Variants in SLC7A8 observed in about 807,000 individuals in gnomAD.
SLC7A8 encodes solute carrier family 7 member 8.
SLC7A8 carries 30 observed loss-of-function variants against 51.2 expected under a neutral mutation model. That is an observed-to-expected ratio of 0.59 (90% CI 0.44 to 0.80). The LOEUF (loss-of-function observed/expected upper bound fraction) is 0.80. Among genes scored for constraint, SLC7A8 ranks in the 30% least tolerant of loss-of-function variants. The pLI, the probability that SLC7A8 is intolerant of heterozygous loss-of-function variation, is 0.00. For missense variants in SLC7A8, 612 were observed against 674.4 expected (o/e 0.91, Z 1.03); for synonymous variants, 257 against 275.8 (o/e 0.93, Z 0.67).
At chr14:23,177,749 C>T (rs930395296) in intron 1 of SLC7A8, among the ~76,000 whole-genome samples, 8 of 152,222 alleles carry the variant, frequency 5.3e-5, no homozygotes, top group African/African-American at 1.9e-4. Flanking sequence ...AGATGCCCCT[C>T]AGGCTCACCC....
chr14:23,136,513 A>G (rs1203404717), intron 7 of SLC7A8, among the ~76,000 whole-genome samples: 1 of 152,224 alleles, frequency 6.6e-6, no homozygotes, highest in Non-Finnish European at 1.5e-5. Flanking sequence ...CTGACTCTTC[A>G]GGAAGGATCA....
At chr14:23,173,018 C>T (rs951798987) in intron 1 of SLC7A8, among the ~76,000 whole-genome samples, 5 of 152,138 alleles carry the variant, frequency 3.3e-5, no homozygotes, top group Non-Finnish European at 4.4e-5. Context: ...CAAAATTTAC[C>T]ATCTTAACCA....
intron 1 of SLC7A8, among the ~76,000 whole-genome samples, chr14:23,182,329 A>C (rs1877218062): frequency 6.6e-6 from 1 of 152,176 alleles, no homozygotes; most frequent in South Asian, 2.1e-4. Context: ...GTTTCATTTA[A>C]CATAAAACTG....
chr14:23,127,283 C>T lies in SLC7A8; in HGVS notation c.1502G>A (p.Gly501Asp). ...CTCATTAGCCTCCTCTGTCCCTGAG[C>T]CCCGCTCCACCTCGGGGTACACGAC... Reference protein sequence around the residue: ...CVVVYPEVERGSGTEEANEDM... With the variant: ...CVVVYPEVERDSGTEEANEDM... The change falls in exon 11 of 11, where the codon GGC (glycine) becomes GAC (aspartate). Residue 501 changes from glycine to aspartate, a missense_variant. Gly to Asp is a moderately conservative substitution (Grantham distance 94). Transcript: ENST00000316902. 1 of 1,614,076 alleles carries T rather than the reference C, an allele frequency of 6.2e-7. No homozygotes were observed. The highest frequency in any genetic ancestry group is 8.5e-7 in the Non-Finnish European group (1 of 1,179,978).
At position 23,128,349 on chromosome 14, in the gene SLC7A8, C is replaced by A. The variant is rs1157525518; in HGVS notation, c.1264-153G>T. 1 of 1,538,728 alleles carries A rather than the reference C, an allele frequency of 6.5e-7. No homozygotes were observed. The highest frequency in any genetic ancestry group is 8.7e-7 in the Non-Finnish European group (1 of 1,146,406). ...TCGGCTCTGTGGTCCCACACTCACC[C>A]CTGGTAGGGCAGGGGCTATATAAAC... On this transcript the variant is annotated intron_variant, in intron 9 of 10. Coordinates refer to ENST00000316902, the MANE Select transcript of SLC7A8 (RefSeq NM_012244.4). This position sits in a 1 kb window ranked among gnomAD's most constrained non-coding sequence, Gnocchi z 4.3.
At chr14:23,173,782 A>G (rs976804709) in intron 1 of SLC7A8, among the ~76,000 whole-genome samples, 1 of 151,654 alleles carries the variant, frequency 6.6e-6, no homozygotes, top group Non-Finnish European at 1.5e-5. Context: ...CTGGGACCAC[A>G]GGCGTGTGCC....
rs759355846 is a variant in SLC7A8 at position 23,166,485 on chromosome 14, A to T, written c.207T>A (p.Ala69=). ...FVSPKGVLEN[A]GSVGLALIVW... is the part of the protein sequence containing the mutation. The stretch of plus-strand genomic sequence containing the variant: ...CGATGAGAGCAAGGCCCACAGAACC[A>T]GCATTCTCCAGCACTCCCTTTGGCG... Residue 69 remains alanine (A), a synonymous_variant, in exon 2 of 11, where the codon GCT becomes GCA. Transcript: ENST00000316902. 20 of 1,614,092 alleles carry T rather than the reference A, an allele frequency of 1.2e-5. No individual in the cohort carries two copies. In the East Asian group the frequency reaches 4.0e-4, roughly 32 times the overall value.
At chr14:23,177,786 T>G (rs1566375675) in intron 1 of SLC7A8, among the ~76,000 whole-genome samples, 1 of 152,192 alleles carries the variant, frequency 6.6e-6, no homozygotes. Flanking sequence ...GCACCGGGAA[T>G]ATTACTTTCT....
rs79199165 is a variant in SLC7A8, at chr14:23,134,037, C to T, written c.1017-2480G>A. 1.5e-3 allele frequency among the ~76,000 whole-genome samples: 235 copies of T among 152,092 alleles called. 1 individual carries two copies. Among genetic ancestry groups the T allele is most frequent in the Middle Eastern group, 0.01 (3 of 294 alleles). ...CTCACTGTAGCCTTGACCTCCCAAA[C>T]TCAAATGATCCTCCTGTCTCAGTCT... On this transcript the variant is annotated intron_variant, in intron 7 of 10. Transcript: ENST00000316902.
chr14:23,179,017 T>C (rs992253834), intron 1 of SLC7A8, among the ~76,000 whole-genome samples: 14 of 152,090 alleles, frequency 9.2e-5, no homozygotes, highest in African/African-American at 1.7e-4. Context: ...GCTCAATTTT[T>C]CTCATAGTTC....
At chr14:23,152,556 G>A (rs1271751028) in intron 3 of SLC7A8, among the ~76,000 whole-genome samples, 3 of 151,960 alleles carry the variant, frequency 2.0e-5, no homozygotes, top group Admixed American at 6.6e-5. Flanking sequence ...GAGTAGCTGA[G>A]GTGTGTGCCA....
chr14:23,138,205 G>C, intron 6 of SLC7A8, 181 bp from the exon 7 acceptor site: 2 of 638,934 alleles, frequency 3.1e-6, no homozygotes, highest in Non-Finnish European at 5.3e-6. Context: ...GTTAATGCAT[G>C]TTTTAGGCTA....
chr14:23,163,119 C>G (rs947262143), intron 3 of SLC7A8, among the ~76,000 whole-genome samples: 6 of 152,148 alleles, frequency 3.9e-5, no homozygotes, highest in Admixed American at 3.9e-4. Context: ...CTGGATCCAG[C>G]TAGGATGCAA....
intron 1 of SLC7A8, among the ~76,000 whole-genome samples, chr14:23,176,711 G>A (rs1454953119): frequency 6.6e-6 from 1 of 152,116 alleles, no homozygotes; most frequent in African/African-American, 2.4e-5. Flanking sequence ...GGAGGCCAAG[G>A]CGGGCAGATC....
chr14:23,155,142 C>G (rs757761755), intron 3 of SLC7A8: 2 of 1,533,892 alleles, frequency 1.3e-6, no homozygotes, highest in African/African-American at 1.4e-5. Flanking sequence ...CCTTCTCCAG[C>G]CCTTTTCATC....
chr14:23,162,666 C>T (rs368674949), intron 3 of SLC7A8, among the ~76,000 whole-genome samples: 1 of 152,148 alleles, frequency 6.6e-6, no homozygotes, highest in African/African-American at 2.4e-5. Context: ...AGCAGGGCTA[C>T]AGGCAGGTGG....
rs776218985 is a variant in SLC7A8 at position 23,165,305 on chromosome 14, A to G, written c.488T>C (p.Leu163Pro). Residue 163 changes from leucine (L) to proline (P), a missense_variant, in exon 3 of 11, where the codon CTC becomes CCC. Coordinates refer to ENST00000316902, the MANE Select transcript of SLC7A8 (RefSeq NM_012244.4). The surrounding 1 kb of genome is among the most constrained non-coding windows in gnomAD (Gnocchi z 4.2). ...TCFPPESGLR[L>P]LAAICLLLLT... is the part of the protein sequence containing the mutation. The stretch of plus-strand genomic sequence containing the variant: ...CTTACATAAGCAGATGGCAGCCAGG[A>G]GCCGAAGGCCAGACTCTGGGGGGAA... The G allele has an allele frequency of 6.2e-7, 1 of 1,609,702 alleles. No individual in the cohort carries two copies. The highest frequency in any genetic ancestry group is 1.1e-5 in the South Asian group (1 of 90,772).
intron 8 of SLC7A8, 60 bp from the exon 9 acceptor site, chr14:23,129,859 G>A (rs2048616310): frequency 1.1e-5 from 17 of 1,580,652 alleles, no homozygotes; most frequent in Non-Finnish European, 1.5e-5. Context: ...TGGTATTACA[G>A]ATTAGGGGCT....
chr14:23,153,809 A>G (rs2048868006), intron 3 of SLC7A8, among the ~76,000 whole-genome samples: 1 of 152,220 alleles, frequency 6.6e-6, no homozygotes, highest in East Asian at 1.9e-4. Context: ...CTGGCTTGGA[A>G]AGGCTTGGTT....
Sources: gnomAD v4.1 joint callset for allele counts (sites outside exome capture counted in the v4.1 genomes callset) on GRCh38, gnomAD v4.1.1 for gene constraint, Gnocchi (gnomAD v3.1) non-coding constraint, MANE v1.5 for transcripts, NCBI Gene and HGNC (gene_info 2026-07-23, HGNC 2026-07-21) for gene names.